PI4KA: variants seen among roughly 807,000 people sequenced by gnomAD.
PI4KA encodes PI4-kinase alpha.
PI4KA carries 122 observed loss-of-function variants against 271.4 expected under a neutral mutation model. The observed-to-expected ratio is 0.45, with a 90% confidence interval of 0.39 to 0.52. PI4KA has a LOEUF of 0.52. Among genes scored for constraint, PI4KA ranks in the 20% least tolerant of loss-of-function variants. PI4KA has a pLI of 0.00. For missense variants in PI4KA, 1,969 were observed against 2,769.1 expected (o/e 0.71, Z 6.48); for synonymous variants, 1,041 against 1,078.8 (o/e 0.96, Z 0.69).
At chr22:20,784,656 G>A (rs1048726221) in intron 19 of PI4KA, among the ~76,000 whole-genome samples, 1 of 152,174 alleles carries the variant, frequency 6.6e-6, no homozygotes, top group Admixed American at 6.5e-5. Flanking sequence ...AAAAAAGATT[G>A]GCTCAACTCT....
At chr22:20,755,803 TAAA>T (rs771767684) in intron 23 of PI4KA, among the ~76,000 whole-genome samples, 4 of 93,610 alleles carry the variant, frequency 4.3e-5, no homozygotes, top group African/African-American at 4.1e-5. Context: ...CACTGTCACA[TAAA>T]AAAAAAAAAA....
intron 35 of PI4KA, 27 bp downstream of exon 35, chr22:20,733,709 G>A (rs371835231): frequency 1.5e-5 from 24 of 1,613,764 alleles, no homozygotes; most frequent in South Asian, 4.4e-5. Context: ...GTCCCTGGAC[G>A]CTGCACAGCA....
At chr22:20,751,620 G>T in intron 26 of PI4KA, 54 bp downstream of exon 26, 2 of 1,418,200 alleles carry the variant, frequency 1.4e-6, no homozygotes, top group Non-Finnish European at 2.0e-6. Flanking sequence ...AGGGCCGGCG[G>T]GGTGGTGGTA....
intron 7 of PI4KA, among the ~76,000 whole-genome samples, chr22:20,816,271 G>A (rs1272081038): frequency 1.3e-5 from 2 of 151,874 alleles, no homozygotes; most frequent in Admixed American, 6.6e-5. Flanking sequence ...TCAAATTTGC[G>A]CTATTAAAAA....
intron 32 of PI4KA, 117 bp from the exon 33 acceptor site, chr22:20,734,670 A>C (rs571719964): frequency 7.4e-5 from 81 of 1,087,674 alleles, no homozygotes; most frequent in Non-Finnish European, 1.0e-4. Flanking sequence ...AGAAACCAAG[A>C]AAAGTATGAA....
rs150622104 is a variant in PI4KA, at chr22:20,832,219, G to A, written c.367+2343C>T. Among the ~76,000 whole-genome samples the A allele has an allele frequency of 2.3e-3, 353 of 151,160 alleles. No homozygotes were observed. The South Asian group carries it at 0.026, about 11-fold the overall frequency. On this transcript the variant is annotated intron_variant, in intron 3 of 54. Coordinates refer to ENST00000255882, the MANE Select transcript of PI4KA (RefSeq NM_058004.4). The stretch of plus-strand genomic sequence containing the variant: ...TTGCCTCTGCCTCCCGGGTTCAAGC[G>A]ATTCTCCTGTCTCAGCCTCCCAAGT...
In PI4KA at chr22:20,858,557, C is replaced by A; in HGVS notation, c.156+13G>T. On this transcript the variant is annotated intron_variant, in intron 1 of 54. Transcript: ENST00000255882. Reference sequence around the variant, plus strand: ...TCCTCCTGTCAGCCCGCGGCCCAGCCCGCCGACGTTACCTTCTCCAAGGAT... The same window carrying A: ...TCCTCCTGTCAGCCCGCGGCCCAGCACGCCGACGTTACCTTCTCCAAGGAT... 1 of 1,371,962 alleles carries A rather than the reference C, an allele frequency of 7.3e-7. No individual in the cohort carries two copies. Among genetic ancestry groups the A allele is most frequent in the South Asian group, 1.6e-5 (1 of 60,690 alleles). 85.0% of individuals were successfully genotyped at this position (1,371,962 alleles called of 1,614,324 possible).
rs1924950360 is a variant in PI4KA at position 20,837,007 on chromosome 22, ATT to A, written c.273+1606_273+1607del. Among the ~76,000 whole-genome samples the A allele has an allele frequency of 3.9e-5, 6 of 152,250 alleles. No individual in the cohort carries two copies. In the South Asian group the frequency reaches 1.0e-3, roughly 26 times the overall value. On this transcript the variant is annotated intron_variant, in intron 2 of 54. Coordinates refer to ENST00000255882, the MANE Select transcript of PI4KA (RefSeq NM_058004.4). ...GTTTCTTATAAATTTTTTTAAAATT[ATT>A]TTTTGCCCTTTATAATTCATTTTAT...
Position 20,761,381 on chromosome 22 carries a change from A to C in PI4KA, c.2714T>G (p.Leu905Arg). ...SVYRLEYMRV[L>R]RSTDPDRFQV... ...GAAGCGATCAGGATCTGTTGAACGC[A>C]GTACCCTAAGAAGAAAACAGCTTTA... Residue 905 changes from leucine (L) to arginine (R), a missense_variant, in exon 23 of 55, where the codon CTG (leucine) becomes CGG (arginine). Transcript: ENST00000255882. 6.2e-7 allele frequency: 1 copy of C among 1,606,676 alleles called. No homozygotes were observed. The highest frequency in any genetic ancestry group is 8.5e-7 in the Non-Finnish European group (1 of 1,173,208).
At chr22:20,731,517 C>T (rs1222095144) in intron 36 of PI4KA, among the ~76,000 whole-genome samples, 2 of 151,152 alleles carry the variant, frequency 1.3e-5, no homozygotes, top group Non-Finnish European at 3.0e-5. Flanking sequence ...AGGTCTCAGC[C>T]AGGCAATGTG....
chr22:20,776,679 G>T (rs1484734659), intron 19 of PI4KA, among the ~76,000 whole-genome samples: 1 of 152,122 alleles, frequency 6.6e-6, no homozygotes, highest in Admixed American at 6.5e-5. Flanking sequence ...GGGCTTAGAG[G>T]CTTAACCAAC....
chr22:20,858,782 C>G lies in PI4KA; in HGVS notation c.-57G>C, dbSNP rs1307773375. On this transcript the variant is annotated 5_prime_UTR_variant, in exon 1 of 55. Transcript: ENST00000255882. ...TCCCCGCTCCTGGCCCGCGAGCGCC[C>G]GACCTCAGGGCGCAGGCGTAGGTGC... 6 of 1,367,164 alleles carry G rather than the reference C, an allele frequency of 4.4e-6. No homozygotes were observed. Among genetic ancestry groups the G allele is most frequent in the Non-Finnish European group, 3.8e-6 (4 of 1,056,328 alleles). 84.7% of individuals were successfully genotyped at this position (1,367,164 alleles called of 1,614,324 possible).
At chr22:20,831,056 A>G (rs900388962) in intron 3 of PI4KA, among the ~76,000 whole-genome samples, 6 of 152,142 alleles carry the variant, frequency 3.9e-5, no homozygotes, top group Non-Finnish European at 5.9e-5. Flanking sequence ...TACAGGTGTG[A>G]GCTACTGTGC....
chr22:20,742,727 T>C lies in PI4KA; in HGVS notation c.3494A>G (p.Gln1165Arg), dbSNP rs1929613568. 2.5e-6 allele frequency: 4 copies of C among 1,614,164 alleles called. No individual in the cohort carries two copies. The highest frequency in any genetic ancestry group is 2.2e-5 in the East Asian group (1 of 44,888). Residue 1165 changes from glutamine to arginine, a missense_variant, in exon 31 of 55, where the codon CAG (glutamine) becomes CGG (arginine). Gln to Arg is a conservative substitution (Grantham distance 43). This residue lies in a region of PI4KA where 203 missense variants were observed against 256.8 expected (regional missense o/e 0.79). Transcript: ENST00000255882. Reference protein sequence around the residue: ...GMIRFSGTTGQMSDLNKMMVQ... With the variant: ...GMIRFSGTTGRMSDLNKMMVQ... ...CATCATTTTGTTCAGGTCAGACATC[T>C]GGCCTGTGGTGCCTGAGAACCGAAT...
chr22:20,814,120 G>A (rs1489476269), intron 7 of PI4KA, among the ~76,000 whole-genome samples: 3 of 152,140 alleles, frequency 2.0e-5, no homozygotes, highest in South Asian at 2.1e-4. Context: ...TTTTAAAGGT[G>A]AAGAGATATG....
chr22:20,832,806 T>C (rs1473877172), intron 3 of PI4KA, among the ~76,000 whole-genome samples: 1 of 152,194 alleles, frequency 6.6e-6, no homozygotes, highest in African/African-American at 2.4e-5. Context: ...ATCGTTTTAT[T>C]GTATCCTTTA....
At position 20,735,807 on chromosome 22, in the gene PI4KA, G is replaced by C. The variant is rs5760250; in HGVS notation, c.3742-1254C>G. ...AGGACTCCTGGGGGACGAGGCACTA[G>C]AGCCTGCTTTCTGTTTCCTGCAGAC... On this transcript the variant is annotated intron_variant, in intron 32 of 54. Coordinates refer to ENST00000255882, the MANE Select transcript of PI4KA (RefSeq NM_058004.4). 1.3e-3 allele frequency among the ~76,000 whole-genome samples: 189 copies of C among 150,238 alleles called. 1 individual carries two copies. The highest frequency in any genetic ancestry group is 6.9e-3 in the Middle Eastern group (2 of 290).
intron 23 of PI4KA, among the ~76,000 whole-genome samples, chr22:20,758,319 C>A (rs753366657): frequency 8.0e-6 from 1 of 125,182 alleles, no homozygotes; most frequent in Admixed American, 1.0e-4. Context: ...CAGCTGAGAT[C>A]GTTCCACTGC....
chr22:20,713,343 C>T lies in PI4KA; in HGVS notation c.5509G>A (p.Ala1837Thr). ...DSEDECSTQE[A>T]DGQKISWQAA... The stretch of plus-strand genomic sequence containing the variant: ...TGCCAGGAGATCTTCTGGCCGTCGG[C>T]CTCCTGCGTGCTGCACTCATCCTCG... The change falls in exon 48 of 55, where the codon GCC (alanine) becomes ACC (threonine). Residue 1837 changes from alanine to threonine, a missense_variant. By Grantham distance (58) the Ala-to-Thr change is moderately conservative (BLOSUM62 0). This residue lies in a region of PI4KA where 388 missense variants were observed against 521.5 expected (regional missense o/e 0.74). Transcript: ENST00000255882. 1 of 1,599,126 alleles carries T rather than the reference C, an allele frequency of 6.3e-7. No homozygotes were observed. Among genetic ancestry groups the T allele is most frequent in the Non-Finnish European group, 8.5e-7 (1 of 1,172,160 alleles).
Sources: gnomAD v4.1 joint callset for allele counts (sites outside exome capture counted in the v4.1 genomes callset) on GRCh38, gnomAD v4.1.1 for gene constraint, gnomAD v4.1.1 regional missense constraint, MANE v1.5 for transcripts, NCBI Gene and HGNC (gene_info 2026-07-23, HGNC 2026-07-21) for gene names.